Variants in DGKB observed in about 807,000 individuals in gnomAD.
DGKB encodes diacylglycerol kinase beta.
A neutral mutation model predicts 114.3 loss-of-function variants in DGKB; 67 were observed. That is an observed-to-expected ratio of 0.59 (90% CI 0.48 to 0.72). The LOEUF (loss-of-function observed/expected upper bound fraction) is 0.72, where lower values mean the gene tolerates loss of function less well. Among genes scored for constraint, DGKB ranks in the 30% least tolerant of loss-of-function variants. DGKB has a pLI of 0.00. For synonymous variants in DGKB, 398 were observed against 323.1 expected, an observed-to-expected ratio of 1.23 and a Z score of -2.49; for missense variants, 907 against 975.2, an observed-to-expected ratio of 0.93 and a Z score of 0.93.
chr7:14,688,060 G>C (rs773760644), intron 9 of DGKB, among the ~76,000 whole-genome samples: 13 of 152,122 alleles, frequency 8.5e-5, no homozygotes, highest in Non-Finnish European at 1.6e-4. Context: ...TTGAAACCAG[G>C]AGCCAATTAC....
chr7:14,467,364 T>C (rs1187372736), intron 21 of DGKB, among the ~76,000 whole-genome samples: 1 of 150,974 alleles, frequency 6.6e-6, no homozygotes, highest in Non-Finnish European at 1.5e-5. Context: ...CCACAATGTA[T>C]ACAAACATCA....
intron 1 of DGKB, among the ~76,000 whole-genome samples, chr7:14,874,817 T>C (rs552691875): frequency 6.6e-6 from 1 of 152,136 alleles, no homozygotes; most frequent in African/African-American, 2.4e-5. Flanking sequence ...TATTAGTAGA[T>C]ACAATATAAA....
chr7:14,451,487 C>G (rs747041380), intron 21 of DGKB, among the ~76,000 whole-genome samples: 1 of 151,826 alleles, frequency 6.6e-6, no homozygotes, highest in Non-Finnish European at 1.5e-5. Flanking sequence ...GTGGATCTTG[C>G]AGCTTCTTAG....
chr7:14,483,905 G>T (rs1414901683), intron 20 of DGKB, among the ~76,000 whole-genome samples: 2 of 152,028 alleles, frequency 1.3e-5, no homozygotes, highest in Non-Finnish European at 1.5e-5. Context: ...TTAGTCCAAG[G>T]ATATTAAATT....
intron 17 of DGKB, among the ~76,000 whole-genome samples, chr7:14,605,818 C>T (rs149870014): frequency 5.9e-4 from 90 of 152,104 alleles, no homozygotes; most frequent in Middle Eastern, 6.8e-3. Context: ...GGATAATAAA[C>T]CACATTCACT....
chr7:14,314,831 C>A (rs1275098028), intron 23 of DGKB, among the ~76,000 whole-genome samples: 1 of 151,540 alleles, frequency 6.6e-6, no homozygotes, highest in Non-Finnish European at 1.5e-5. Flanking sequence ...ACATAATTGT[C>A]AGATTCACCA....
intron 23 of DGKB, among the ~76,000 whole-genome samples, chr7:14,182,797 A>G (rs1406684499): frequency 6.6e-6 from 1 of 152,200 alleles, no homozygotes; most frequent in Non-Finnish European, 1.5e-5. Flanking sequence ...AATATGTCTC[A>G]TTATGTAATT....
At chr7:14,728,360 A>G (rs1830328360) in intron 5 of DGKB, among the ~76,000 whole-genome samples, 5 of 152,168 alleles carry the variant, frequency 3.3e-5, no homozygotes, top group Admixed American at 3.3e-4. Context: ...GATAAAATTC[A>G]CAACTTAGCA....
intron 1 of DGKB, among the ~76,000 whole-genome samples, chr7:14,890,524 C>T (rs1380363045): frequency 6.6e-6 from 1 of 151,384 alleles, no homozygotes; most frequent in Non-Finnish European, 1.5e-5. Context: ...ACCACCCACT[C>T]CTGAACTGAA....
At chr7:14,814,075 A>G (rs1214722027) in intron 2 of DGKB, 1 of 152,202 alleles carries the variant, frequency 6.6e-6, no homozygotes, top group Non-Finnish European at 1.5e-5. Flanking sequence ...AGTGAACATT[A>G]CAATTGATTC....
chr7:14,685,747 A>G (rs762545460), intron 9 of DGKB, among the ~76,000 whole-genome samples: 4 of 152,212 alleles, frequency 2.6e-5, no homozygotes, highest in Non-Finnish European at 5.9e-5. Context: ...TCAGTGGAAC[A>G]GCCTGACAAA....
chr7:14,338,786 C>T, intron 22 of DGKB, 76 bp from the exon 23 acceptor site: 3 of 993,464 alleles, frequency 3.0e-6, no homozygotes, highest in Non-Finnish European at 4.1e-6. Context: ...TTCATTTCCT[C>T]ATCTTTTAAT....
intron 1 of DGKB, among the ~76,000 whole-genome samples, chr7:14,919,826 G>A (rs998476265): frequency 1.3e-5 from 2 of 152,068 alleles, no homozygotes; most frequent in African/African-American, 4.8e-5. Context: ...ATGTGAGCTT[G>A]TTGTTTAACC....
At chr7:14,410,828 A>G (rs1325489981) in intron 21 of DGKB, among the ~76,000 whole-genome samples, 1 of 152,212 alleles carries the variant, frequency 6.6e-6, no homozygotes, top group Non-Finnish European at 1.5e-5. Flanking sequence ...ACCCACAGAA[A>G]AATGAAAATG....
In DGKB at chr7:14,698,131, T is replaced by A; in HGVS notation, c.555A>T (p.Ala185=). 6.5e-7 allele frequency: 1 copy of A among 1,539,644 alleles called. No homozygotes were observed. Among genetic ancestry groups the A allele is most frequent in the Non-Finnish European group, 8.7e-7 (1 of 1,147,378 alleles). The change falls in exon 8 of 26, where the codon GCA becomes GCT. Residue 185 remains alanine, a synonymous_variant. Transcript: ENST00000402815. ...ENIISQMMHV[A]EYLEWDVTEL... Reference sequence around the variant, plus strand: ...CAGTGACATCCCACTCAAGGTATTCTGCAACATGCATCATCTGACTGATGA... The same window carrying A: ...CAGTGACATCCCACTCAAGGTATTCAGCAACATGCATCATCTGACTGATGA...
chr7:14,215,254 G>A (rs1788766115), intron 23 of DGKB, among the ~76,000 whole-genome samples: 1 of 152,128 alleles, frequency 6.6e-6, no homozygotes, highest in Non-Finnish European at 1.5e-5. Flanking sequence ...AAAGGAACCT[G>A]TAGTATAGGC....
chr7:14,574,194 T>C lies in DGKB; in HGVS notation c.1770+18A>G, dbSNP rs752594111. 11 of 1,607,296 alleles carry C rather than the reference T, an allele frequency of 6.8e-6. No individual in the cohort carries two copies. The highest frequency in any genetic ancestry group is 9.3e-6 in the Non-Finnish European group (11 of 1,176,504). On this transcript the variant is annotated intron_variant, in intron 20 of 25. Coordinates refer to ENST00000402815, the MANE Select transcript of DGKB (RefSeq NM_001350709.2). ...ATACAGTACAGGTACAAAGGTAAAA[T>C]TTAGTGGAGAATCTTACCACGCCAA...
chr7:14,740,471 G>A (rs1263826278), intron 4 of DGKB, among the ~76,000 whole-genome samples: 1 of 152,128 alleles, frequency 6.6e-6, no homozygotes, highest in Non-Finnish European at 1.5e-5. Context: ...TTGTTTGAGA[G>A]GACCCAATTT....
intron 4 of DGKB, among the ~76,000 whole-genome samples, chr7:14,746,781 G>A (rs2128422858): frequency 6.6e-6 from 1 of 152,274 alleles, no homozygotes; most frequent in Admixed American, 6.5e-5. Context: ...TTACAGGTGT[G>A]AGCCACCATG....
Sources: gnomAD v4.1 joint callset for allele counts (sites outside exome capture counted in the v4.1 genomes callset) on GRCh38, gnomAD v4.1.1 for gene constraint, MANE v1.5 for transcripts, NCBI Gene and HGNC (gene_info 2026-07-23, HGNC 2026-07-21) for gene names.